GALNT6: variants seen among roughly 807,000 people sequenced by gnomAD.
GALNT6 encodes GalNAc transferase 6.
GALNT6 carries 51 observed loss-of-function variants against 65.9 expected under a neutral mutation model. That is an observed-to-expected ratio of 0.77 (90% CI 0.62 to 0.98). The LOEUF is 0.98. Ranked by LOEUF, GALNT6 falls within the 50% of genes least tolerant of loss-of-function variation. GALNT6 has a pLI of 0.00. For synonymous variants in GALNT6, 323 were observed against 315.1 expected (o/e 1.02, Z -0.26); for missense variants, 708 against 803.3 (o/e 0.88, Z 1.43).
chr12:51,354,685 C>T (rs1486564551), intron 11 of GALNT6, among the ~76,000 whole-genome samples, 193 bp from the exon 12 acceptor site: 2 of 152,162 alleles, frequency 1.3e-5, no homozygotes, highest in African/African-American at 2.4e-5. Context: ...GGTGCCAAAT[C>T]CCCATCCCTA....
At chr12:51,373,835 C>T (rs538941592) in intron 4 of GALNT6, among the ~76,000 whole-genome samples, 1 of 152,300 alleles carries the variant, frequency 6.6e-6, no homozygotes, top group Admixed American at 6.5e-5. Flanking sequence ...GTCATTGCAT[C>T]CCTGATACTT....
At position 51,357,416 on chromosome 12, in the gene GALNT6, A is replaced by G. The variant is rs750344117; in HGVS notation, c.1535T>C (p.Val512Ala). The part of the protein sequence containing the change: ...KNLGTNQCLD[V>A]GENNRGGKPL... Reference sequence around the variant, plus strand: ...CTTCCCCCCGCGGTTGTTCTCACCCACATCCAGGCATTGGTTGGTGCCGAG... The same window carrying G: ...CTTCCCCCCGCGGTTGTTCTCACCCGCATCCAGGCATTGGTTGGTGCCGAG... The change falls in exon 10 of 12, where the codon GTG (valine) becomes GCG (alanine). Residue 512 changes from valine (V) to alanine (A), a missense_variant. Val to Ala is a moderately conservative substitution (Grantham distance 64). Coordinates refer to ENST00000356317, the MANE Select transcript of GALNT6 (RefSeq NM_007210.4). 1 of 1,614,068 alleles carries G rather than the reference A, an allele frequency of 6.2e-7. No homozygotes were observed. Among genetic ancestry groups the G allele is most frequent in the Admixed American group, 1.7e-5 (1 of 60,020 alleles).
intron 10 of GALNT6, 95 bp from the exon 11 acceptor site, chr12:51,356,053 G>C (rs1592309664): frequency 8.9e-7 from 1 of 1,127,818 alleles, no homozygotes; most frequent in Non-Finnish European, 1.3e-6. Context: ...GTCTCCTGGG[G>C]AGGAGAGTGA....
chr12:51,369,082 C>T (rs879380203), intron 4 of GALNT6, among the ~76,000 whole-genome samples: 2 of 152,184 alleles, frequency 1.3e-5, no homozygotes, highest in African/African-American at 4.8e-5. Context: ...TGTGTTTCCC[C>T]GAGAGCTTGC....
At chr12:51,385,757 G>C (rs1051807194) in intron 2 of GALNT6, among the ~76,000 whole-genome samples, 1 of 122,824 alleles carries the variant, frequency 8.1e-6, no homozygotes, top group Non-Finnish European at 2.0e-5. Context: ...TCCTGGACCA[G>C]AGAGGCCATG....
At position 51,370,530 on chromosome 12, in the gene GALNT6, ATAAAG is replaced by A. The variant is rs550058085; in HGVS notation, c.665-4956_665-4952del. Among the ~76,000 whole-genome samples, 389 of 152,378 alleles carry A rather than the reference ATAAAG, an allele frequency of 2.6e-3. 8 individuals carry two copies. The highest frequency in any genetic ancestry group is 0.018 in the Admixed American group (275 of 15,300). On this transcript the variant is annotated intron_variant, in intron 4 of 11. Transcript: ENST00000356317. Reference sequence around the variant, plus strand: ...AAGAACGAACTCCATCTCAAAAAAAATAAAGTAAATTCTGACAAATGTTACAACAT... The same window carrying A: ...AAGAACGAACTCCATCTCAAAAAAAATAAATTCTGACAAATGTTACAACAT...
At chr12:51,385,907 T>C (rs1947824596) in intron 2 of GALNT6, among the ~76,000 whole-genome samples, 2 of 152,124 alleles carry the variant, frequency 1.3e-5, no homozygotes, top group Admixed American at 6.5e-5. Flanking sequence ...TGAACACAGC[T>C]TTCTGCAGCC....
intron 2 of GALNT6, among the ~76,000 whole-genome samples, chr12:51,388,890 A>G (rs1284184939): frequency 6.6e-6 from 1 of 152,208 alleles, no homozygotes; most frequent in African/African-American, 2.4e-5. Flanking sequence ...TTCTTCCTTC[A>G]AATCTCTACC....
At chr12:51,358,301 G>GTTTTTT in intron 8 of GALNT6, 40 bp from the exon 9 acceptor site, 13 of 1,447,292 alleles carry the variant, frequency 9.0e-6, no homozygotes, top group South Asian at 4.0e-5. Flanking sequence ...AGTTCCACCA[G>GTTTTTT]TTTTTTTTTT....
chr12:51,357,636 G>A (rs1946792258), intron 9 of GALNT6, among the ~76,000 whole-genome samples, 186 bp from the exon 10 acceptor site: 1 of 152,220 alleles, frequency 6.6e-6, no homozygotes, highest in Non-Finnish European at 1.5e-5. Flanking sequence ...AAAGTGAGCT[G>A]CAGAGCCCCA....
rs368355502 is a variant in GALNT6 at position 51,358,112 on chromosome 12, T to C, written c.1500+18A>G. 9.3e-6 allele frequency: 15 copies of C among 1,609,014 alleles called. No homozygotes were observed. Among genetic ancestry groups the C allele is most frequent in the African/African-American group, 2.7e-5 (2 of 74,776 alleles). On this transcript the variant is annotated intron_variant, in intron 9 of 11. Transcript: ENST00000356317. Reference sequence around the variant, plus strand: ...GGTGCTGTGGTGATGGGCAGGCAGGTTGGTTCTCAAGACTTACGGCACCAT... The same window carrying C: ...GGTGCTGTGGTGATGGGCAGGCAGGCTGGTTCTCAAGACTTACGGCACCAT...
chr12:51,390,280 A>G (rs1464011106), intron 2 of GALNT6, among the ~76,000 whole-genome samples: 1 of 149,594 alleles, frequency 6.7e-6, no homozygotes, highest in Admixed American at 6.8e-5. Context: ...CTCCTGCCTC[A>G]GCCTCCCAAG....
chr12:51,386,360 G>A (rs1039124210), intron 2 of GALNT6, among the ~76,000 whole-genome samples: 4 of 152,026 alleles, frequency 2.6e-5, no homozygotes, highest in Admixed American at 6.6e-5. Context: ...GAGCCTCCCC[G>A]ACTCCACCCT....
At chr12:51,363,834 G>A (rs745715312) in intron 6 of GALNT6, among the ~76,000 whole-genome samples, 1 of 152,230 alleles carries the variant, frequency 6.6e-6, no homozygotes, top group Admixed American at 6.5e-5. Context: ...TGGTGAATAA[G>A]AGCAAACTGT....
intron 2 of GALNT6, among the ~76,000 whole-genome samples, chr12:51,382,015 A>G (rs1239934106): frequency 6.6e-6 from 1 of 152,252 alleles, no homozygotes; most frequent in Non-Finnish European, 1.5e-5. Flanking sequence ...GTATGTGGCC[A>G]TCGTGATCTC....
At chr12:51,388,615 C>T (rs967909296) in intron 2 of GALNT6, among the ~76,000 whole-genome samples, 2 of 152,166 alleles carry the variant, frequency 1.3e-5, no homozygotes, top group Non-Finnish European at 2.9e-5. Flanking sequence ...CCCGTGCTTT[C>T]CTTACGTGGG....
chr12:51,381,280 T>G (rs1947663351), intron 2 of GALNT6, among the ~76,000 whole-genome samples: 1 of 152,142 alleles, frequency 6.6e-6, no homozygotes, highest in Non-Finnish European at 1.5e-5. Flanking sequence ...TACTCCTATT[T>G]AATAAAAAAG....
chr12:51,377,405 C>G (rs772519621), intron 3 of GALNT6, 38 bp from the exon 4 acceptor site: 1 of 1,592,504 alleles, frequency 6.3e-7, no homozygotes, highest in Non-Finnish European at 8.6e-7. Flanking sequence ...TCTCCTGGTC[C>G]CTGGGAGTAC....
At chr12:51,369,733 C>T (rs891370675) in intron 4 of GALNT6, among the ~76,000 whole-genome samples, 4 of 152,290 alleles carry the variant, frequency 2.6e-5, no homozygotes, top group East Asian at 3.9e-4. Context: ...CGTCAGTACA[C>T]GGTGCCAGCA....
Sources: gnomAD v4.1 joint callset for allele counts (sites outside exome capture counted in the v4.1 genomes callset) on GRCh38, gnomAD v4.1.1 for gene constraint, MANE v1.5 for transcripts, NCBI Gene and HGNC (gene_info 2026-07-23, HGNC 2026-07-21) for gene names.